PARD6G: variants seen among roughly 807,000 people sequenced by gnomAD.
PARD6G encodes the protein par-6 family cell polarity regulator gamma.
PARD6G carries 7 observed loss-of-function variants against 10.7 expected under a neutral mutation model. The observed-to-expected ratio is 0.66, with a 90% confidence interval of 0.37 to 1.23. The LOEUF is 1.23. Ranked by LOEUF, PARD6G falls within the 50% of genes most tolerant of loss-of-function variation. The pLI, the probability that PARD6G is intolerant of heterozygous loss-of-function variation, is 0.02. For missense variants in PARD6G, 548 were observed against 571.8 expected, an observed-to-expected ratio of 0.96 and a Z score of 0.42; for synonymous variants, 287 against 269.4, an observed-to-expected ratio of 1.07 and a Z score of -0.64.
chr18:80,200,133 A>T lies in PARD6G; in HGVS notation c.295+2577T>A, dbSNP rs1966995290. Among the ~76,000 whole-genome samples the T allele has an allele frequency of 6.6e-6, 1 of 152,166 alleles. No homozygotes were observed. Among genetic ancestry groups the T allele is most frequent in the South Asian group, 2.1e-4 (1 of 4,826 alleles). ...GCTGCAGTAGAATCTTGAAAATAGCATGACCGTGACTGACCCCTCGACACC... is the reference window on the plus strand; with the variant it reads ...GCTGCAGTAGAATCTTGAAAATAGCTTGACCGTGACTGACCCCTCGACACC... On this transcript the variant is annotated intron_variant, in intron 2 of 2. Transcript: ENST00000353265. The surrounding 1 kb of genome is among the most constrained non-coding windows in gnomAD (Gnocchi z 4.4).
At chr18:80,222,920 C>T (rs148825123) in intron 1 of PARD6G, among the ~76,000 whole-genome samples, 111 of 152,222 alleles carry the variant, frequency 7.3e-4, no homozygotes, top group African/African-American at 2.6e-3. Context: ...AAGCAATCCA[C>T]CTGCCTCAGC....
intron 1 of PARD6G, among the ~76,000 whole-genome samples, chr18:80,230,778 C>T (rs1967349505): frequency 6.6e-6 from 1 of 152,124 alleles, no homozygotes; most frequent in South Asian, 2.1e-4. Flanking sequence ...GGTCTATGAA[C>T]ATGGTCTCCG....
rs554730412 is a variant in PARD6G, at chr18:80,180,959, A to G, written c.296-20353T>C. On this transcript the variant is annotated intron_variant, in intron 2 of 2. Coordinates refer to ENST00000353265, the MANE Select transcript of PARD6G (RefSeq NM_032510.4). This position sits in a 1 kb window ranked among gnomAD's most constrained non-coding sequence, Gnocchi z 5.6. ...GATGCCCCACAGCAAAGAAATGTCC[A>G]GCGCAGAACGTCAGCAGTGCTGAGG... Among the ~76,000 whole-genome samples, 5 of 152,370 alleles carry G rather than the reference A, an allele frequency of 3.3e-5. No individual in the cohort carries two copies. The highest frequency in any genetic ancestry group is 3.3e-4 in the Admixed American group (5 of 15,312).
At chr18:80,172,731 AAG>A (rs1388439926) in intron 2 of PARD6G, among the ~76,000 whole-genome samples, 1 of 152,210 alleles carries the variant, frequency 6.6e-6, no homozygotes, top group Non-Finnish European at 1.5e-5. Flanking sequence ...TATTCCGAAT[AAG>A]AGTCTCTTCT....
rs182096920 is a variant in PARD6G at position 80,200,618 on chromosome 18, G to A, written c.295+2092C>T. 1.3e-4 allele frequency among the ~76,000 whole-genome samples: 20 copies of A among 152,262 alleles called. No homozygotes were observed. Among genetic ancestry groups the A allele is most frequent in the Non-Finnish European group, 8.8e-5 (6 of 68,038 alleles). ...GGAAGGCAGGGGCTGCTGGCGACAC[G>A]CTCACGCTATAACCACGAGAGACTG... is the stretch of plus-strand genomic sequence containing the variant. On this transcript the variant is annotated intron_variant, in intron 2 of 2. Coordinates refer to ENST00000353265, the MANE Select transcript of PARD6G (RefSeq NM_032510.4). The surrounding 1 kb of genome is among the most constrained non-coding windows in gnomAD (Gnocchi z 4.4).
Position 80,201,600 on chromosome 18 carries a change from G to C in PARD6G, c.295+1110C>G, listed in dbSNP as rs960050880. Among the ~76,000 whole-genome samples the C allele has an allele frequency of 6.6e-6, 1 of 152,216 alleles. No homozygotes were observed. The highest frequency in any genetic ancestry group is 2.4e-5 in the African/African-American group (1 of 41,448). Reference sequence around the variant, plus strand: ...CAGAGTGTTCTGATCTTGTGCCAGAGAATCTGTCTGAAGTGAGGTCAACGA... The same window carrying C: ...CAGAGTGTTCTGATCTTGTGCCAGACAATCTGTCTGAAGTGAGGTCAACGA... On this transcript the variant is annotated intron_variant, in intron 2 of 2. Coordinates refer to ENST00000353265, the MANE Select transcript of PARD6G (RefSeq NM_032510.4). The surrounding 1 kb of genome is among the most constrained non-coding windows in gnomAD (Gnocchi z 5.9).
chr18:80,186,912 C>G (rs765686238), intron 2 of PARD6G, among the ~76,000 whole-genome samples: 4 of 152,142 alleles, frequency 2.6e-5, no homozygotes, highest in African/African-American at 9.7e-5. Flanking sequence ...TCCTGGCTAA[C>G]AGGGTGAAAC....
chr18:80,209,826 G>A (rs951411893), intron 1 of PARD6G, among the ~76,000 whole-genome samples: 1 of 152,010 alleles, frequency 6.6e-6, no homozygotes, highest in African/African-American at 2.4e-5. Context: ...AATACAAAGT[G>A]TATCAAAAGC....
chr18:80,213,342 G>A (rs1461961605), intron 1 of PARD6G, among the ~76,000 whole-genome samples: 1 of 152,126 alleles, frequency 6.6e-6, no homozygotes, highest in South Asian at 2.1e-4. Context: ...AAGACCTGAG[G>A]CACCTGTGAT....
At chr18:80,194,201 G>T (rs756569841) in intron 2 of PARD6G, among the ~76,000 whole-genome samples, 2 of 152,136 alleles carry the variant, frequency 1.3e-5, no homozygotes, top group African/African-American at 4.8e-5. Flanking sequence ...AAAACAACAC[G>T]GCCTTAATGT....
chr18:80,236,163 G>A (rs531006109), intron 1 of PARD6G, among the ~76,000 whole-genome samples: 1 of 152,218 alleles, frequency 6.6e-6, no homozygotes, highest in East Asian at 1.9e-4. Flanking sequence ...ACGATCAATT[G>A]GGCTTCATCC....
rs990580608 is a variant in PARD6G, at chr18:80,158,046, A to G, written c.*1725T>C. 1 of 152,232 alleles carries G rather than the reference A, an allele frequency of 6.6e-6. No individual in the cohort carries two copies. Among genetic ancestry groups the G allele is most frequent in the Non-Finnish European group, 1.5e-5 (1 of 68,040 alleles). 9.4% of individuals were successfully genotyped at this position (152,232 alleles called of 1,614,324 possible). On this transcript the variant is annotated 3_prime_UTR_variant, in exon 3 of 3. Transcript: ENST00000353265. ...TTTGGTCAGAGTTCTCAAAGTATAA[A>G]TGTAACATTTTATTCAAGCAAAACA...
intron 1 of PARD6G, among the ~76,000 whole-genome samples, chr18:80,218,563 C>T (rs2145292343): frequency 6.6e-6 from 1 of 152,322 alleles, no homozygotes; most frequent in South Asian, 2.1e-4. Context: ...TGGTTGCTTT[C>T]ATGGGCTGGT....
Position 80,246,898 on chromosome 18 carries a change from C to T in PARD6G, c.72+379G>A, listed in dbSNP as rs932489771. Among the ~76,000 whole-genome samples the T allele has an allele frequency of 1.2e-4, 18 of 152,106 alleles. No individual in the cohort carries two copies. Among genetic ancestry groups the T allele is most frequent in the Non-Finnish European group, 2.1e-4 (14 of 67,980 alleles). Reference sequence around the variant, plus strand: ...GGGCCCCCAGAGCCCCCCCACGGCCCCGAATCCGAGCAGCCCCTGGCCCTC... The same window carrying T: ...GGGCCCCCAGAGCCCCCCCACGGCCTCGAATCCGAGCAGCCCCTGGCCCTC... On this transcript the variant is annotated intron_variant, in intron 1 of 2. Transcript: ENST00000353265. The surrounding 1 kb of genome is among the most constrained non-coding windows in gnomAD (Gnocchi z 6.7).
chr18:80,208,531 C>T (rs1343269609), intron 1 of PARD6G, among the ~76,000 whole-genome samples: 1 of 152,162 alleles, frequency 6.6e-6, no homozygotes, highest in East Asian at 1.9e-4. Context: ...CTATCCCGCA[C>T]ATAAAATGCC....
At position 80,159,755 on chromosome 18, in the gene PARD6G, G is replaced by T; in HGVS notation, c.*16C>A. 1 of 1,385,482 alleles carries T rather than the reference G, an allele frequency of 7.2e-7. No homozygotes were observed. Among genetic ancestry groups the T allele is most frequent in the South Asian group, 1.7e-5 (1 of 57,822 alleles). The allele number at this position is 1,385,482 out of a possible 1,614,324, so 85.8% of individuals were successfully genotyped here. On this transcript the variant is annotated 3_prime_UTR_variant, in exon 3 of 3. Coordinates refer to ENST00000353265, the MANE Select transcript of PARD6G (RefSeq NM_032510.4). ...ACCGGGGAACTGGAGCTAGGATTTG[G>T]GGGCCTCTCGGGAGTCTAGAGCGTG...
In PARD6G at chr18:80,189,896, T is replaced by C. The variant is rs922603523; in HGVS notation, c.295+12814A>G. Among the ~76,000 whole-genome samples the C allele has an allele frequency of 1.3e-5, 2 of 152,228 alleles. No individual in the cohort carries two copies. Among genetic ancestry groups the C allele is most frequent in the African/African-American group, 4.8e-5 (2 of 41,460 alleles). ...GAAATACCATGTAGGATATGATTTA[T>C]CTACCAAAGAGCTCATTCTCTTAAA... On this transcript the variant is annotated intron_variant, in intron 2 of 2. Transcript: ENST00000353265. This position sits in a 1 kb window ranked among gnomAD's most constrained non-coding sequence, Gnocchi z 5.5.
chr18:80,191,719 G>A (rs925078309), intron 2 of PARD6G, among the ~76,000 whole-genome samples: 16 of 152,218 alleles, frequency 1.1e-4, no homozygotes, highest in African/African-American at 3.9e-4. Flanking sequence ...GGGACCCTTG[G>A]ACTTGGCCCA....
chr18:80,223,928 G>A (rs181381506), intron 1 of PARD6G, among the ~76,000 whole-genome samples: 1 of 152,316 alleles, frequency 6.6e-6, no homozygotes, highest in African/African-American at 2.4e-5. Context: ...AGGATATGAG[G>A]TTTGGTCCAA....
Sources: gnomAD v4.1 joint callset for allele counts (sites outside exome capture counted in the v4.1 genomes callset) on GRCh38, gnomAD v4.1.1 for gene constraint, Gnocchi (gnomAD v3.1) non-coding constraint, MANE v1.5 for transcripts, NCBI Gene and HGNC (gene_info 2026-07-23, HGNC 2026-07-21) for gene names.